The following CFAP20DC variants were observed in gnomAD, a reference collection of about 807,000 sequenced individuals.
CFAP20DC encodes CFAP20 domain containing, also known as protein CFAP20DC.
CFAP20DC carries 84 observed loss-of-function variants against 101.7 expected under a neutral mutation model. The observed-to-expected ratio is 0.83, with a 90% CI of 0.69 to 0.99. The LOEUF (loss-of-function observed/expected upper bound fraction) is 0.99, where lower values mean the gene tolerates loss of function less well. Among genes scored for constraint, CFAP20DC ranks in the 50% least tolerant of loss-of-function variants. CFAP20DC has a pLI of 0.00. For missense variants in CFAP20DC, 1,007 were observed against 970.3 expected (o/e 1.04, Z -0.50); for synonymous variants, 359 against 351.2 (o/e 1.02, Z -0.25).
intron 12 of CFAP20DC, among the ~76,000 whole-genome samples, chr3:58,855,601 A>T (rs1462525069): frequency 1.3e-5 from 2 of 152,098 alleles, no homozygotes; most frequent in African/African-American, 2.4e-5. Flanking sequence ...TCCAACAATG[A>T]TAGAATGGAT....
chr3:58,901,561 T>C (rs2083149148), intron 6 of CFAP20DC, among the ~76,000 whole-genome samples: 1 of 152,236 alleles, frequency 6.6e-6, no homozygotes, highest in Non-Finnish European at 1.5e-5. Context: ...GTGCCTGGTA[T>C]ACAGCAAGTG....
intron 7 of CFAP20DC, among the ~76,000 whole-genome samples, chr3:58,872,114 T>G (rs2080276576): frequency 6.6e-6 from 1 of 152,158 alleles, no homozygotes; most frequent in African/African-American, 2.4e-5. Context: ...GTGATAGCCT[T>G]TAACTGAAAA....
intron 4 of CFAP20DC, among the ~76,000 whole-genome samples, chr3:59,038,224 T>C (rs1465543503): frequency 1.3e-5 from 2 of 152,116 alleles, no homozygotes; most frequent in African/African-American, 4.8e-5. Context: ...GGCACGTGTA[T>C]ACCCATGTAA....
At chr3:58,924,959 A>C (rs1272409941) in intron 5 of CFAP20DC, among the ~76,000 whole-genome samples, 1 of 151,652 alleles carries the variant, frequency 6.6e-6, no homozygotes, top group Non-Finnish European at 1.5e-5. Flanking sequence ...ATCTTTGTAG[A>C]TTGTGAATTT....
At chr3:58,763,603 G>A (rs542140951) in intron 15 of CFAP20DC, among the ~76,000 whole-genome samples, 114 of 152,292 alleles carry the variant, frequency 7.5e-4, no homozygotes, top group African/African-American at 2.5e-3. Flanking sequence ...CTTTAGAGGA[G>A]GAGAGGCACT....
At chr3:58,880,619 GT>G (rs1186559522) in intron 7 of CFAP20DC, among the ~76,000 whole-genome samples, 1 of 151,992 alleles carries the variant, frequency 6.6e-6, no homozygotes, top group African/African-American at 2.4e-5. Context: ...TATTATTAAA[GT>G]TTTTTCAATA....
intron 15 of CFAP20DC, among the ~76,000 whole-genome samples, chr3:58,763,050 C>T (rs1044398479): frequency 1.4e-4 from 21 of 152,076 alleles, no homozygotes; most frequent in South Asian, 8.3e-4. Flanking sequence ...ATCTTTGTGG[C>T]GTTCTCTGTA....
chr3:58,982,989 C>A (rs1336807262), intron 4 of CFAP20DC, among the ~76,000 whole-genome samples: 2 of 151,764 alleles, frequency 1.3e-5, no homozygotes, highest in Non-Finnish European at 2.9e-5. Context: ...AATGAAAGAG[C>A]CTGATTAGTG....
intron 15 of CFAP20DC, among the ~76,000 whole-genome samples, chr3:58,793,425 G>A (rs1419622932): frequency 6.6e-6 from 1 of 152,042 alleles, no homozygotes; most frequent in Non-Finnish European, 1.5e-5. Context: ...CATTTCTTCT[G>A]TTATTCCAGC....
chr3:59,030,981 T>G (rs1034155456), intron 4 of CFAP20DC, among the ~76,000 whole-genome samples: 2 of 151,760 alleles, frequency 1.3e-5, no homozygotes, highest in African/African-American at 4.8e-5. Context: ...CCGCCACCAC[T>G]CCCGGCTAAT....
At chr3:58,807,659 C>T (rs368811612) in intron 14 of CFAP20DC, among the ~76,000 whole-genome samples, 15 of 152,200 alleles carry the variant, frequency 9.9e-5, no homozygotes, top group African/African-American at 1.2e-4. Context: ...AAGCAGAGCG[C>T]GTCTCCTCAT....
At chr3:58,889,481 T>C (rs1428635195) in intron 6 of CFAP20DC, among the ~76,000 whole-genome samples, 3 of 152,158 alleles carry the variant, frequency 2.0e-5, no homozygotes, top group Admixed American at 6.5e-5. Context: ...AGAGGAATCA[T>C]TACCTCTATT....
chr3:59,029,384 C>A (rs2109069916), intron 4 of CFAP20DC, among the ~76,000 whole-genome samples: 1 of 152,230 alleles, frequency 6.6e-6, no homozygotes, highest in Non-Finnish European at 1.5e-5. Flanking sequence ...AGATGAACTT[C>A]ATTCAGTTGG....
chr3:58,927,456 A>C (rs1423500494), intron 5 of CFAP20DC, among the ~76,000 whole-genome samples: 1 of 152,232 alleles, frequency 6.6e-6, no homozygotes, highest in Non-Finnish European at 1.5e-5. Flanking sequence ...ATGAGTACAC[A>C]GAGGATTCAA....
Position 58,865,917 on chromosome 3 carries a change from T to G in CFAP20DC, c.1258+649A>C, listed in dbSNP as rs75459279. Among the ~76,000 whole-genome samples the G allele has an allele frequency of 2.0e-3, 310 of 152,324 alleles. 1 individual carries two copies. Among genetic ancestry groups the G allele is most frequent in the African/African-American group, 7.2e-3 (300 of 41,574 alleles). ...TGCAGTTTTACCTCAAGTATTTCCA[T>G]ATCAATTGTAATGAATAATTTGGTG... On this transcript the variant is annotated intron_variant, in intron 11 of 16. Coordinates refer to ENST00000482387, the MANE Select transcript of CFAP20DC (RefSeq NM_001394063.1).
rs752262716 is a variant in CFAP20DC, at chr3:58,912,626, A to G, written c.550+1082T>C. On this transcript the variant is annotated intron_variant, in intron 6 of 16. Transcript: ENST00000482387. The surrounding 1 kb of genome is among the most constrained non-coding windows in gnomAD (Gnocchi z 4.4). ...TTCTAGAAGAATTGATTTAACAAATAATAATCCCAGATGAAAATCAAAAGG... is the reference window on the plus strand; with the variant it reads ...TTCTAGAAGAATTGATTTAACAAATGATAATCCCAGATGAAAATCAAAAGG... 4.7e-5 allele frequency: 20 copies of G among 423,878 alleles called. No homozygotes were observed. The highest frequency in any genetic ancestry group is 2.2e-4 in the South Asian group (13 of 57,998). The allele number at this position is 423,878 out of a possible 1,614,324, so 26.3% of individuals were successfully genotyped here.
chr3:58,762,762 G>T (rs1384539611), intron 15 of CFAP20DC, among the ~76,000 whole-genome samples: 1 of 152,172 alleles, frequency 6.6e-6, no homozygotes, highest in Non-Finnish European at 1.5e-5. Context: ...GCATTTGCTT[G>T]TCTGTAAAGG....
chr3:59,006,648 C>T lies in CFAP20DC; in HGVS notation c.278+32909G>A, dbSNP rs901814951. ...GTAGAAGCAGTGGCAGGAAGAGCCT[C>T]GTAGGCAGTCCCATTCTCCAGCTTG... On this transcript the variant is annotated intron_variant, in intron 4 of 16. Transcript: ENST00000482387. The surrounding 1 kb of genome is among the most constrained non-coding windows in gnomAD (Gnocchi z 4.3). 5.3e-5 allele frequency among the ~76,000 whole-genome samples: 8 copies of T among 152,140 alleles called. No individual in the cohort carries two copies. Among genetic ancestry groups the T allele is most frequent in the African/African-American group, 1.7e-4 (7 of 41,424 alleles).
chr3:58,845,494 C>T (rs1399476956), intron 13 of CFAP20DC, among the ~76,000 whole-genome samples: 3 of 150,270 alleles, frequency 2.0e-5, no homozygotes, highest in Non-Finnish European at 3.0e-5. Context: ...AGACCAATAA[C>T]AGGAGCTGAA....
Sources: allele counts gnomAD v4.1 joint callset (sites outside exome capture counted in the v4.1 genomes callset), GRCh38; gene constraint gnomAD v4.1.1; non-coding constraint Gnocchi (gnomAD v3.1); transcripts MANE v1.5; gene names NCBI Gene and HGNC (gene_info 2026-07-23, HGNC 2026-07-21).